ULK4: variants seen among roughly 807,000 people sequenced by gnomAD.
ULK4 encodes the protein inactive serine/threonine-protein kinase ULK4.
A neutral mutation model predicts 160.6 loss-of-function variants in ULK4; 133 were observed. The ratio of observed to expected loss-of-function variants is 0.83; its 90% CI spans 0.72 to 0.96. The LOEUF is 0.96. ULK4 is among the 40% of genes least tolerant of loss of function. The pLI is 0.00. For synonymous variants in ULK4, 534 were observed against 539.8 expected (o/e 0.99, Z 0.15); for missense variants, 1,580 against 1,499.5 (o/e 1.05, Z -0.89).
intron 29 of ULK4, among the ~76,000 whole-genome samples, chr3:41,676,030 G>A (rs2035700968): frequency 6.6e-6 from 1 of 152,096 alleles, no homozygotes; most frequent in African/African-American, 2.4e-5. Context: ...TCTAGACAAG[G>A]ACTCAGCCCA....
intron 21 of ULK4, among the ~76,000 whole-genome samples, chr3:41,768,997 C>A (rs1264916560): frequency 6.6e-6 from 1 of 152,090 alleles, no homozygotes; most frequent in Non-Finnish European, 1.5e-5. Context: ...AGATTAGGGA[C>A]CATCTGCAGT....
At chr3:41,303,946 G>A (rs1319139059) in intron 35 of ULK4, among the ~76,000 whole-genome samples, 3 of 152,094 alleles carry the variant, frequency 2.0e-5, no homozygotes, top group African/African-American at 7.2e-5. Context: ...TGCCAAGTAG[G>A]TGCCATCACT....
intron 30 of ULK4, among the ~76,000 whole-genome samples, chr3:41,639,253 G>A (rs920118937): frequency 2.9e-4 from 44 of 152,130 alleles, no homozygotes; most frequent in Non-Finnish European, 6.0e-4. Context: ...CGACACCATA[G>A]AAATTCTTTG....
At chr3:41,813,984 G>A (rs954232549) in intron 19 of ULK4, among the ~76,000 whole-genome samples, 46 of 152,168 alleles carry the variant, frequency 3.0e-4, no homozygotes, top group Non-Finnish European at 6.2e-4. Flanking sequence ...TGGTATGAGG[G>A]AAGTGATTCT....
chr3:41,403,017 G>T (rs944061482), intron 34 of ULK4, among the ~76,000 whole-genome samples: 1 of 152,056 alleles, frequency 6.6e-6, no homozygotes, highest in Non-Finnish European at 1.5e-5. Context: ...GGGCGTGGTG[G>T]CACATGCCTG....
At chr3:41,575,371 G>C (rs1047856059) in intron 31 of ULK4, among the ~76,000 whole-genome samples, 1 of 152,174 alleles carries the variant, frequency 6.6e-6, no homozygotes. Flanking sequence ...CTGCCAACGT[G>C]GTCGGGGCTT....
At chr3:41,463,981 C>A (rs2083759775) in intron 32 of ULK4, among the ~76,000 whole-genome samples, 1 of 146,490 alleles carries the variant, frequency 6.8e-6, no homozygotes, top group Non-Finnish European at 1.5e-5. Flanking sequence ...ACTTTGGAAT[C>A]AGTAGAGCAT....
chr3:41,648,240 T>C (rs1441565683), intron 30 of ULK4, among the ~76,000 whole-genome samples: 1 of 152,204 alleles, frequency 6.6e-6, no homozygotes, highest in African/African-American at 2.4e-5. Context: ...CCTAGTGAGA[T>C]GAACCCGGTA....
intron 35 of ULK4, among the ~76,000 whole-genome samples, chr3:41,320,306 T>C (rs1031545414): frequency 6.6e-6 from 1 of 152,200 alleles, no homozygotes; most frequent in African/African-American, 2.4e-5. Context: ...AAGTCCTGTG[T>C]AAACCATGCT....
At chr3:41,680,603 GC>G (rs1186477016) in intron 29 of ULK4, among the ~76,000 whole-genome samples, 1 of 152,058 alleles carries the variant, frequency 6.6e-6, no homozygotes, top group African/African-American at 2.4e-5. Context: ...CTTAACATTG[GC>G]CAAAATCAGA....
chr3:41,935,919 A>G lies in ULK4; in HGVS notation c.260T>C (p.Ile87Thr), dbSNP rs374979918. 3.2e-5 allele frequency: 52 copies of G among 1,613,642 alleles called. No individual in the cohort carries two copies. The highest frequency in any genetic ancestry group is 2.3e-4 in the African/African-American group (17 of 74,898). ...LCTGGSLKTV[I>T]AQDENLPEDV... ...TTCTGGGAGGTTTTCATCTTGAGCA[A>G]TAACTGTTTTTAAGGAACCACCTGC... Residue 87 changes from isoleucine to threonine, a missense_variant, in exon 4 of 37, where the codon ATT becomes ACT. Coordinates refer to ENST00000301831, the MANE Select transcript of ULK4 (RefSeq NM_017886.4).
chr3:41,544,822 G>A (rs1264522184), intron 32 of ULK4, among the ~76,000 whole-genome samples: 2 of 152,136 alleles, frequency 1.3e-5, no homozygotes, highest in African/African-American at 4.8e-5. Context: ...TTAGTCGGGG[G>A]TTCCAAATAC....
In ULK4 at chr3:41,922,388, G is replaced by A. The variant is rs182088726; in HGVS notation, c.542-2570C>T. On this transcript the variant is annotated intron_variant, in intron 5 of 36. Transcript: ENST00000301831. ...TGCAGTCCTAGCTACTCAGGAGACT[G>A]AGGTGGGGGAATCGCTTCAGTCCAG... Among the ~76,000 whole-genome samples, 223 of 152,256 alleles carry A rather than the reference G, an allele frequency of 1.5e-3. 1 individual carries two copies. The highest frequency in any genetic ancestry group is 2.1e-3 in the Non-Finnish European group (145 of 68,014).
intron 32 of ULK4, among the ~76,000 whole-genome samples, chr3:41,538,823 C>T (rs1226660810): frequency 6.6e-6 from 1 of 151,900 alleles, no homozygotes; most frequent in African/African-American, 2.4e-5. Flanking sequence ...CATAAATGTC[C>T]TTTGTGGCAT....
intron 19 of ULK4, among the ~76,000 whole-genome samples, chr3:41,804,242 G>T (rs1324926194): frequency 6.6e-6 from 1 of 151,994 alleles, no homozygotes; most frequent in South Asian, 2.1e-4. Context: ...GCCAGTGATG[G>T]TGAGCATTTT....
At chr3:41,850,662 T>TG (rs199513898) in intron 17 of ULK4, among the ~76,000 whole-genome samples, 10,936 of 150,264 alleles carry the variant, frequency 0.073, 1,235 homozygotes, top group African/African-American at 0.24. Context: ...TGGGGTTGTT[T>TG]TTTTCTTGTA....
intron 35 of ULK4, among the ~76,000 whole-genome samples, chr3:41,281,554 T>A (rs1407629878): frequency 6.6e-6 from 1 of 152,132 alleles, no homozygotes; most frequent in African/African-American, 2.4e-5. Context: ...AAAAATCACA[T>A]GATTATCTCA....
chr3:41,774,989 G>A (rs543306882), intron 21 of ULK4, among the ~76,000 whole-genome samples: 25 of 147,886 alleles, frequency 1.7e-4, no homozygotes, highest in South Asian at 2.1e-4. Context: ...ACCAAACACC[G>A]CATGTTCTCA....
In ULK4 at chr3:41,717,805, T is replaced by C. The variant is rs2037323531; in HGVS notation, c.2378A>G (p.Gln793Arg). ...TTTGGACAGGTATTCATTGCCACTT[T>C]GCTGCTCCTTGCCTGGAGTGGTCTT... ...SRKTTPGKEQ[Q>R]SGNEYLSKCL... Residue 793 changes from glutamine to arginine, a missense_variant, in exon 23 of 37, where the codon CAA becomes CGA. Physicochemically the swap from Gln to Arg is conservative, Grantham distance 43. Coordinates refer to ENST00000301831, the MANE Select transcript of ULK4 (RefSeq NM_017886.4). The C allele has an allele frequency of 1.2e-6, 2 of 1,614,144 alleles. No homozygotes were observed. Among genetic ancestry groups the C allele is most frequent in the Non-Finnish European group, 1.7e-6 (2 of 1,180,012 alleles).
Sources: gnomAD v4.1 joint callset for allele counts (sites outside exome capture counted in the v4.1 genomes callset) on GRCh38, gnomAD v4.1.1 for gene constraint, MANE v1.5 for transcripts, NCBI Gene and HGNC (gene_info 2026-07-23, HGNC 2026-07-21) for gene names.